Variants in TMEM132C observed in about 807,000 individuals in gnomAD.
TMEM132C encodes transmembrane protein 132C, also known as protein phosphatase 1, regulatory subunit 152.
A neutral mutation model predicts 61.4 loss-of-function variants in TMEM132C; 29 were observed. The observed-to-expected ratio is 0.47, with a 90% CI of 0.35 to 0.64. The LOEUF (loss-of-function observed/expected upper bound fraction) is 0.64. TMEM132C is among the 30% of genes least tolerant of loss of function. TMEM132C has a pLI of 0.00. For missense variants in TMEM132C, 1,408 were observed against 1,476.9 expected (o/e 0.95, Z 0.76); for synonymous variants, 656 against 633.1 (o/e 1.04, Z -0.54).
At chr12:128,606,215 T>C (rs115063422) in intron 3 of TMEM132C, among the ~76,000 whole-genome samples, 3,440 of 152,348 alleles carry the variant, frequency 0.023, 133 homozygotes, top group African/African-American at 0.078. Flanking sequence ...TTCTGGTATG[T>C]GAGGCCCATG....
intron 2 of TMEM132C, among the ~76,000 whole-genome samples, chr12:128,416,294 C>A (rs1334573496): frequency 6.6e-6 from 1 of 152,164 alleles, no homozygotes; most frequent in Non-Finnish European, 1.5e-5. Flanking sequence ...TGCTCTGTCA[C>A]TCTGTATAAT....
chr12:128,465,644 T>C, intron 2 of TMEM132C, among the ~76,000 whole-genome samples: 1 of 152,216 alleles, frequency 6.6e-6, no homozygotes, highest in East Asian at 1.9e-4. Flanking sequence ...GGATTTCCTG[T>C]CTCATCCTAC....
At chr12:128,647,887 TTAGCGTTGG>T (rs1010463009) in intron 4 of TMEM132C, among the ~76,000 whole-genome samples, 3 of 149,722 alleles carry the variant, frequency 2.0e-5, no homozygotes, top group African/African-American at 7.6e-5. Flanking sequence ...CTGGAGTCCA[TTAGCGTTGG>T]ATGTGAGTGT....
At chr12:128,333,950 T>C (rs892503267) in intron 1 of TMEM132C, among the ~76,000 whole-genome samples, 1 of 151,154 alleles carries the variant, frequency 6.6e-6, no homozygotes, top group Non-Finnish European at 1.5e-5. Flanking sequence ...GTGTGTGGTG[T>C]TGTGTGTAAG....
At chr12:128,663,086 T>C (rs143761535) in intron 4 of TMEM132C, among the ~76,000 whole-genome samples, 15 of 152,366 alleles carry the variant, frequency 9.8e-5, no homozygotes, top group African/African-American at 3.4e-4. Flanking sequence ...TCCTTTCTTT[T>C]TTATAGAGAT....
intron 1 of TMEM132C, among the ~76,000 whole-genome samples, chr12:128,325,760 T>A (rs1356447718): frequency 6.6e-6 from 1 of 152,184 alleles, no homozygotes; most frequent in Non-Finnish European, 1.5e-5. Flanking sequence ...GCTCCCCCAG[T>A]TGGATCCTGC....
intron 2 of TMEM132C, among the ~76,000 whole-genome samples, chr12:128,509,911 T>C (rs1343998269): frequency 6.6e-6 from 1 of 152,232 alleles, no homozygotes; most frequent in Admixed American, 6.5e-5. Flanking sequence ...AGAGTCAAAC[T>C]AAATGCTAAT....
intron 1 of TMEM132C, among the ~76,000 whole-genome samples, chr12:128,307,019 G>A (rs1374336462): frequency 2.0e-5 from 3 of 152,130 alleles, no homozygotes; most frequent in Non-Finnish European, 1.5e-5. Context: ...GAATCAAAGA[G>A]AGGAGCTACA....
intron 1 of TMEM132C, among the ~76,000 whole-genome samples, chr12:128,295,581 C>T (rs1871382282): frequency 6.6e-6 from 1 of 150,516 alleles, no homozygotes; most frequent in African/African-American, 2.5e-5. Flanking sequence ...GCTTTCATTC[C>T]TTACCCGACT....
chr12:128,624,710 T>C (rs1953999119), intron 4 of TMEM132C, among the ~76,000 whole-genome samples: 1 of 152,168 alleles, frequency 6.6e-6, no homozygotes, highest in African/African-American at 2.4e-5. Flanking sequence ...TACTTATATT[T>C]ATTAATAAGA....
chr12:128,415,641 C>T lies in TMEM132C; in HGVS notation c.974+21C>T. On this transcript the variant is annotated intron_variant, in intron 2 of 8. Transcript: ENST00000435159. This position sits in a 1 kb window ranked among gnomAD's most constrained non-coding sequence, Gnocchi z 5.8. ...TTGAGGTAGGTGCCCATGCTTGCCC[C>T]TGATCATCTTTGGCATGCCTGGTGT... 1 of 1,496,550 alleles carries T rather than the reference C, an allele frequency of 6.7e-7. No individual in the cohort carries two copies. Among genetic ancestry groups the T allele is most frequent in the Non-Finnish European group, 9.0e-7 (1 of 1,116,654 alleles). 92.7% of individuals were successfully genotyped at this position (1,496,550 alleles called of 1,614,324 possible).
chr12:128,272,358 C>G (rs1018130300), intron 1 of TMEM132C, among the ~76,000 whole-genome samples: 2 of 152,172 alleles, frequency 1.3e-5, no homozygotes, highest in African/African-American at 4.8e-5. Flanking sequence ...ATAGTTTGTT[C>G]CTTTTCAATG....
chr12:128,473,358 T>G (rs1404961658), intron 2 of TMEM132C, among the ~76,000 whole-genome samples: 2 of 126,382 alleles, frequency 1.6e-5, no homozygotes, highest in Non-Finnish European at 3.4e-5. Context: ...TCATCTTCAC[T>G]CCAGCCTCTA....
chr12:128,702,020 C>T (rs1270731817), intron 8 of TMEM132C, among the ~76,000 whole-genome samples: 1 of 151,830 alleles, frequency 6.6e-6, no homozygotes, highest in Non-Finnish European at 1.5e-5. Flanking sequence ...CTGCCTCAGC[C>T]TCCTGAGTAG....
At chr12:128,480,616 A>G (rs78687815) in intron 2 of TMEM132C, among the ~76,000 whole-genome samples, 11,205 of 152,212 alleles carry the variant, frequency 0.074, 1,322 homozygotes, top group African/African-American at 0.25. Context: ...GGGAAAGAAC[A>G]GCTGTCCTCT....
intron 2 of TMEM132C, among the ~76,000 whole-genome samples, chr12:128,498,455 T>A (rs999434461): frequency 6.6e-6 from 1 of 152,114 alleles, no homozygotes; most frequent in African/African-American, 2.4e-5. Flanking sequence ...GCAGGTGGGT[T>A]ACTTGAGGTC....
At chr12:128,427,395 T>TGG (rs1315157518) in intron 2 of TMEM132C, among the ~76,000 whole-genome samples, 2 of 63,670 alleles carry the variant, frequency 3.1e-5, no homozygotes, top group Non-Finnish European at 7.9e-5. Flanking sequence ...GGGGTGTGTG[T>TGG]GTGTGTGTGT....
chr12:128,601,337 A>G lies in TMEM132C; in HGVS notation c.1122-14815A>G, dbSNP rs192677972. ...TGTCGGGGCACTCGGCTCCTGGCGC[A>G]ATCACCCAGTCATTCTTCACTCCGC... On this transcript the variant is annotated intron_variant, in intron 3 of 8. Transcript: ENST00000435159. 7.2e-5 allele frequency among the ~76,000 whole-genome samples: 11 copies of G among 152,336 alleles called. No individual in the cohort carries two copies. The East Asian group carries it at 1.5e-3, about 21-fold the overall frequency.
intron 8 of TMEM132C, among the ~76,000 whole-genome samples, chr12:128,703,234 T>C (rs532681003): frequency 1.3e-5 from 2 of 152,206 alleles, no homozygotes; most frequent in Admixed American, 1.3e-4. Context: ...GTACAGATTA[T>C]TTCATGACCC....
Sources: allele counts gnomAD v4.1 joint callset (sites outside exome capture counted in the v4.1 genomes callset), GRCh38; gene constraint gnomAD v4.1.1; non-coding constraint Gnocchi (gnomAD v3.1); transcripts MANE v1.5; gene names NCBI Gene and HGNC (gene_info 2026-07-23, HGNC 2026-07-21).